Variants in SLMAP observed in about 807,000 individuals in gnomAD.
The protein encoded by SLMAP is sarcolemmal membrane-associated protein.
In SLMAP, 44 loss-of-function variants were observed where a neutral mutation model predicts 128.8. The ratio of observed to expected loss-of-function variants is 0.34; its 90% CI spans 0.27 to 0.44. The LOEUF is 0.44. SLMAP is among the 20% of genes least tolerant of loss of function. SLMAP has a pLI of 1.00. For missense variants in SLMAP, 787 were observed against 985.3 expected, an observed-to-expected ratio of 0.80 and a Z score of 2.69; for synonymous variants, 327 against 348.8, an observed-to-expected ratio of 0.94 and a Z score of 0.70.
intron 14 of SLMAP, among the ~76,000 whole-genome samples, chr3:57,888,035 CACAAAGTATTT>C (rs920729462): frequency 6.6e-6 from 1 of 152,126 alleles, no homozygotes. Context: ...GAAGCAAAAT[CACAAAGTATTT>C]ACCTTCTGTC....
Position 57,928,301 on chromosome 3 carries a change from T to A in SLMAP, c.*1012T>A, listed in dbSNP as rs2153714368. ...TATCATCTATTCCTCCAAGCATGTT[T>A]AATTGAAGAAAGTATTAATATCTCT... On this transcript the variant is annotated 3_prime_UTR_variant, in exon 25 of 25. Transcript: ENST00000671191. The A allele has an allele frequency of 6.6e-6, 1 of 152,350 alleles. No individual in the cohort carries two copies. The highest frequency in any genetic ancestry group is 2.1e-4 in the South Asian group (1 of 4,828). 9.4% of individuals were successfully genotyped at this position (152,350 alleles called of 1,614,324 possible).
At chr3:57,784,039 G>T (rs894880892) in intron 2 of SLMAP, among the ~76,000 whole-genome samples, 1 of 152,082 alleles carries the variant, frequency 6.6e-6, no homozygotes, top group African/African-American at 2.4e-5. Context: ...AGAACCATGG[G>T]GCCATGGCAG....
chr3:57,790,351 A>G (rs888781054), intron 2 of SLMAP, among the ~76,000 whole-genome samples: 1 of 152,212 alleles, frequency 6.6e-6, no homozygotes, highest in Non-Finnish European at 1.5e-5. Flanking sequence ...CATTTGGCCA[A>G]GATCACAGAT....
rs1424579080 is a variant in SLMAP at position 57,913,236 on chromosome 3, TATC to T, written c.2104_2106del (p.Ser702del). ...TCTCTAAAAAGGGAAAATGTTTTGC[TATC>T]ATCAGAACTGCAACGGCAAGAAAAA... is the stretch of plus-strand genomic sequence containing the variant. On this transcript the variant is annotated inframe_deletion, in exon 21 of 25. Coordinates refer to ENST00000671191, the MANE Select transcript of SLMAP (RefSeq NM_001377540.1). The T allele has an allele frequency of 1.3e-6, 2 of 1,596,198 alleles. No individual in the cohort carries two copies. Among genetic ancestry groups the T allele is most frequent in the Admixed American group, 1.7e-5 (1 of 59,874 alleles).
At chr3:57,868,794 GAATATATA>G (rs2095376250) in intron 13 of SLMAP, among the ~76,000 whole-genome samples, 1 of 52,196 alleles carries the variant, frequency 1.9e-5, no homozygotes, top group Non-Finnish European at 3.2e-5. Flanking sequence ...AGAACTAATG[GAATATATA>G]TATATATATA....
intron 3 of SLMAP, among the ~76,000 whole-genome samples, chr3:57,832,476 G>T (rs6789533): frequency 0.026 from 4,014 of 152,140 alleles, 162 homozygotes; most frequent in African/African-American, 0.091. Flanking sequence ...CCTAGTTCAC[G>T]GTCTTCTTTA....
intron 2 of SLMAP, among the ~76,000 whole-genome samples, chr3:57,772,543 G>C (rs1489014064): frequency 6.6e-6 from 1 of 152,202 alleles, no homozygotes; most frequent in Admixed American, 6.5e-5. Context: ...TTTGATATTG[G>C]ATGATGCCTT....
chr3:57,818,063 A>G (rs758403369), intron 2 of SLMAP, among the ~76,000 whole-genome samples: 1 of 152,214 alleles, frequency 6.6e-6, no homozygotes, highest in Non-Finnish European at 1.5e-5. Flanking sequence ...ATTAAGTAGT[A>G]TAGCAGAATG....
intron 22 of SLMAP, among the ~76,000 whole-genome samples, chr3:57,919,436 A>G (rs550841712): frequency 6.6e-6 from 1 of 152,066 alleles, no homozygotes; most frequent in Non-Finnish European, 1.5e-5. Flanking sequence ...ATAATGATAT[A>G]TCATCTTTAT....
At chr3:57,796,317 A>G (rs2086723655) in intron 2 of SLMAP, among the ~76,000 whole-genome samples, 1 of 152,224 alleles carries the variant, frequency 6.6e-6, no homozygotes, top group Non-Finnish European at 1.5e-5. Context: ...GTGTATTTGT[A>G]ATAAACTTCC....
intron 14 of SLMAP, among the ~76,000 whole-genome samples, chr3:57,881,382 G>C (rs2095739561): frequency 6.6e-6 from 1 of 152,126 alleles, no homozygotes; most frequent in Non-Finnish European, 1.5e-5. Context: ...TATTACACTT[G>C]TGACTCCCAA....
intron 5 of SLMAP, among the ~76,000 whole-genome samples, chr3:57,848,442 GTCCTTCT>G (rs1229843603): frequency 2.6e-5 from 3 of 115,750 alleles, no homozygotes; most frequent in Admixed American, 2.0e-4. Context: ...TTTCTTCTTC[GTCCTTCT>G]TCCTTCTTTC....
Position 57,922,000 on chromosome 3 carries a change from C to G in SLMAP, c.2311-889C>G, listed in dbSNP as rs555917977. Among the ~76,000 whole-genome samples the G allele has an allele frequency of 3.3e-5, 5 of 152,290 alleles. No individual in the cohort carries two copies. In the East Asian group the frequency reaches 9.7e-4, roughly 29 times the overall value. On this transcript the variant is annotated intron_variant, in intron 22 of 24. Transcript: ENST00000671191. ...GATTACAGGTGTGAGCCACCGTGCC[C>G]AGCCAATGCCTGTTTTAAGTGGAGA...
intron 2 of SLMAP, among the ~76,000 whole-genome samples, chr3:57,783,723 TATC>T (rs2083504726): frequency 2.0e-5 from 3 of 152,176 alleles, no homozygotes; most frequent in Middle Eastern, 3.2e-3. Context: ...GCCAAGTACT[TATC>T]ATCAAGAAAA....
chr3:57,907,945 G>A lies in SLMAP; in HGVS notation c.1563G>A (p.Lys521=), dbSNP rs753294215. The part of the protein sequence containing the change: ...EAKQEIQHLR[K]ELIEAQELAR... ...AGCAAGAAATACAGCATCTTCGAAA[G>A]GAATTGATCGAAGCCCAGGAGCTAG... is the stretch of plus-strand genomic sequence containing the variant. The change falls in exon 18 of 25, where the codon AAG becomes AAA. Residue 521 remains lysine (K), a synonymous_variant. Coordinates refer to ENST00000671191, the MANE Select transcript of SLMAP (RefSeq NM_001377540.1). 1.2e-6 allele frequency: 2 copies of A among 1,613,680 alleles called. No individual in the cohort carries two copies. The highest frequency in any genetic ancestry group is 8.5e-7 in the Non-Finnish European group (1 of 1,179,594).
At chr3:57,781,616 CTG>C (rs1175169282) in intron 2 of SLMAP, among the ~76,000 whole-genome samples, 2 of 151,726 alleles carry the variant, frequency 1.3e-5, no homozygotes, top group African/African-American at 2.4e-5. Flanking sequence ...GGGATGGAGA[CTG>C]TGTTGATATG....
At chr3:57,775,882 A>G (rs868640533) in intron 2 of SLMAP, among the ~76,000 whole-genome samples, 1 of 152,134 alleles carries the variant, frequency 6.6e-6, no homozygotes, top group Non-Finnish European at 1.5e-5. Context: ...TATTTTTAGT[A>G]GAGATGGCGT....
intron 2 of SLMAP, among the ~76,000 whole-genome samples, chr3:57,814,218 C>G (rs1164141753): frequency 2.6e-5 from 4 of 152,000 alleles, no homozygotes; most frequent in Non-Finnish European, 5.9e-5. Flanking sequence ...CATTCATCGT[C>G]CATCTCTGTC....
intron 17 of SLMAP, chr3:57,897,161 G>C: frequency 8.1e-7 from 1 of 1,238,386 alleles, no homozygotes; most frequent in Non-Finnish European, 1.0e-6. Context: ...AAAGTGTTAA[G>C]TGGTAGAATA....
Sources: allele counts gnomAD v4.1 joint callset (sites outside exome capture counted in the v4.1 genomes callset), GRCh38; gene constraint gnomAD v4.1.1; transcripts MANE v1.5; gene names NCBI Gene and HGNC (gene_info 2026-07-23, HGNC 2026-07-21).